The following KSR2 variants were observed in gnomAD, a reference collection of about 807,000 sequenced individuals.
The protein encoded by KSR2 is kinase suppressor of ras 2.
A neutral mutation model predicts 107.8 loss-of-function variants in KSR2; 25 were observed. The observed-to-expected ratio is 0.23, with a 90% CI of 0.17 to 0.32. KSR2 has a LOEUF of 0.32. KSR2 is among the 10% of genes least tolerant of loss of function. The probability of loss-of-function intolerance (pLI) is 1.00; values close to 1 mark genes in which losing one functional copy is unlikely to be tolerated. For synonymous variants in KSR2, 480 were observed against 507.0 expected, an observed-to-expected ratio of 0.95 and a Z score of 0.71; for missense variants, 887 against 1,268.9, an observed-to-expected ratio of 0.70 and a Z score of 4.57.
intron 7 of KSR2, among the ~76,000 whole-genome samples, chr12:117,575,096 A>T (rs558266203): frequency 6.6e-6 from 1 of 152,078 alleles, no homozygotes; most frequent in African/African-American, 2.4e-5. Context: ...CCACCTTCTT[A>T]GCATTTTGCA....
intron 2 of KSR2, among the ~76,000 whole-genome samples, chr12:117,857,241 G>T (rs1407639733): frequency 6.6e-6 from 1 of 151,972 alleles, no homozygotes; most frequent in African/African-American, 2.4e-5. Context: ...AAATTTTTTT[G>T]TAGAGATAGG....
intron 4 of KSR2, among the ~76,000 whole-genome samples, chr12:117,755,762 G>A (rs1175242266): frequency 2.0e-5 from 3 of 152,218 alleles, no homozygotes; most frequent in Non-Finnish European, 2.9e-5. Flanking sequence ...AAGCCAAAAT[G>A]AACTGAAAGC....
intron 3 of KSR2, among the ~76,000 whole-genome samples, chr12:117,829,493 G>C (rs1454366429): frequency 6.6e-6 from 1 of 152,136 alleles, no homozygotes; most frequent in East Asian, 1.9e-4. Context: ...TAAATCTCTT[G>C]TACCTAACAT....
intron 5 of KSR2, among the ~76,000 whole-genome samples, chr12:117,622,685 T>C (rs1882257391): frequency 6.6e-6 from 1 of 152,152 alleles, no homozygotes; most frequent in South Asian, 2.1e-4. Context: ...CTCTGTGCCA[T>C]AAAGCTTCAA....
chr12:117,941,714 C>T (rs1896014572), intron 1 of KSR2, among the ~76,000 whole-genome samples: 1 of 148,850 alleles, frequency 6.7e-6, no homozygotes, highest in Non-Finnish European at 1.5e-5. Flanking sequence ...GCAGCCTCCG[C>T]CTCCCTGATT....
intron 3 of KSR2, among the ~76,000 whole-genome samples, chr12:117,837,375 A>G (rs1892263624): frequency 2.6e-5 from 4 of 152,044 alleles, no homozygotes; most frequent in African/African-American, 9.7e-5. Flanking sequence ...ATTTCAAGAC[A>G]ATTTTGACGT....
intron 14 of KSR2, among the ~76,000 whole-genome samples, chr12:117,516,729 C>T (rs190297762): frequency 7.2e-4 from 110 of 152,058 alleles, no homozygotes; most frequent in African/African-American, 2.5e-3. Flanking sequence ...TGCAATAGAC[C>T]CAAATGCCAA....
intron 3 of KSR2, among the ~76,000 whole-genome samples, chr12:117,811,026 G>GC (rs1891171526): frequency 6.6e-6 from 1 of 152,204 alleles, no homozygotes; most frequent in African/African-American, 2.4e-5. Context: ...TGCATCAAAA[G>GC]ACCCATCAAT....
chr12:117,959,948 A>C (rs1896613566), intron 1 of KSR2, among the ~76,000 whole-genome samples: 1 of 151,788 alleles, frequency 6.6e-6, no homozygotes, highest in Non-Finnish European at 1.5e-5. Flanking sequence ...AAAAAAAAAA[A>C]AAACTTCAAG....
At chr12:117,724,576 CTG>C (rs1345740212) in intron 4 of KSR2, among the ~76,000 whole-genome samples, 2 of 57,606 alleles carry the variant, frequency 3.5e-5, no homozygotes, top group Admixed American at 2.1e-4. Context: ...GCAAAAAAAC[CTG>C]CCCCCCCACC....
chr12:117,581,785 G>T (rs1320725718), intron 6 of KSR2, among the ~76,000 whole-genome samples: 4 of 152,224 alleles, frequency 2.6e-5, no homozygotes, highest in Non-Finnish European at 5.9e-5. Context: ...CCGCACCAGA[G>T]AATGTGCACC....
chr12:117,948,868 T>C (rs907465236), intron 1 of KSR2, among the ~76,000 whole-genome samples: 2 of 152,160 alleles, frequency 1.3e-5, no homozygotes, highest in Admixed American at 6.5e-5. Context: ...CTGAGCAGGG[T>C]GGATCACCTG....
At chr12:117,810,398 C>T (rs1441627953) in intron 3 of KSR2, among the ~76,000 whole-genome samples, 1 of 152,200 alleles carries the variant, frequency 6.6e-6, no homozygotes, top group Non-Finnish European at 1.5e-5. Flanking sequence ...GTAGCCTTGA[C>T]TTCCCAAGGT....
At chr12:117,581,204 G>A (rs191928623) in intron 6 of KSR2, among the ~76,000 whole-genome samples, 1 of 152,074 alleles carries the variant, frequency 6.6e-6, no homozygotes, top group African/African-American at 2.4e-5. Flanking sequence ...TCGTGAGAAT[G>A]CTCACCTCCT....
At chr12:117,531,495 A>G (rs915025765) in intron 11 of KSR2, among the ~76,000 whole-genome samples, 171 bp downstream of exon 11, 2 of 151,580 alleles carry the variant, frequency 1.3e-5, no homozygotes, top group African/African-American at 4.9e-5. Context: ...CACTGTGCCC[A>G]CTCTTTCTTC....
intron 7 of KSR2, among the ~76,000 whole-genome samples, chr12:117,578,497 G>A (rs1193529051): frequency 1.3e-5 from 2 of 151,136 alleles, no homozygotes; most frequent in African/African-American, 2.4e-5. Context: ...AGCTACTCAG[G>A]AGACTGAGGC....
intron 7 of KSR2, among the ~76,000 whole-genome samples, chr12:117,565,013 C>A (rs1473085957): frequency 6.6e-6 from 1 of 152,206 alleles, no homozygotes; most frequent in African/African-American, 2.4e-5. Flanking sequence ...CAGAAGCAAA[C>A]TGGATCTCCA....
intron 14 of KSR2, among the ~76,000 whole-genome samples, chr12:117,524,371 A>G (rs191217605): frequency 1.1e-3 from 173 of 152,318 alleles, no homozygotes; most frequent in African/African-American, 3.9e-3. Flanking sequence ...AGCATTAAAA[A>G]TATTTTCTGG....
chr12:117,876,902 C>T (rs1893872082), intron 1 of KSR2, among the ~76,000 whole-genome samples: 2 of 151,910 alleles, frequency 1.3e-5, no homozygotes, highest in South Asian at 4.1e-4. Context: ...ACATCATGAG[C>T]TATCTTGGGG....
Sources: gnomAD v4.1 joint callset for allele counts (sites outside exome capture counted in the v4.1 genomes callset) on GRCh38, gnomAD v4.1.1 for gene constraint, MANE v1.5 for transcripts, NCBI Gene and HGNC (gene_info 2026-07-23, HGNC 2026-07-21) for gene names.